The following GRB10 variants were observed in gnomAD, a reference collection of about 807,000 sequenced individuals.
GRB10 encodes growth factor receptor-bound protein 10.
GRB10 carries 20 observed loss-of-function variants against 80.9 expected under a neutral mutation model. The ratio of observed to expected loss-of-function variants is 0.25; its 90% CI spans 0.17 to 0.36. GRB10 has a LOEUF of 0.36. Among genes scored for constraint, GRB10 ranks in the 10% least tolerant of loss-of-function variants. The pLI is 1.00. For missense variants in GRB10, 548 were observed against 747.7 expected, an observed-to-expected ratio of 0.73 and a Z score of 3.12; for synonymous variants, 291 against 291.5, an observed-to-expected ratio of 1.00 and a Z score of 0.02.
At chr7:50,688,841 C>G (rs1420332059) in intron 5 of GRB10, among the ~76,000 whole-genome samples, 1 of 152,116 alleles carries the variant, frequency 6.6e-6, no homozygotes, top group Non-Finnish European at 1.5e-5. Flanking sequence ...AGAAACCGAA[C>G]TGTCGGCAAG....
chr7:50,693,811 G>C (rs188306361), intron 5 of GRB10, among the ~76,000 whole-genome samples: 53 of 152,218 alleles, frequency 3.5e-4, no homozygotes, highest in African/African-American at 1.3e-3. Flanking sequence ...ACAGAGGCTG[G>C]AAGAGCAGTC....
At chr7:50,736,541 C>T (rs999860459) in intron 3 of GRB10, among the ~76,000 whole-genome samples, 2 of 152,130 alleles carry the variant, frequency 1.3e-5, no homozygotes, top group Non-Finnish European at 2.9e-5. Context: ...GCCTGTAATC[C>T]CCATACTTTG....
At chr7:50,742,261 A>ATG (rs1563675129) in intron 3 of GRB10, among the ~76,000 whole-genome samples, 41 of 45,448 alleles carry the variant, frequency 9.0e-4, no homozygotes, top group Non-Finnish European at 3.9e-3. Flanking sequence ...ACACACGCGC[A>ATG]CGCGCGCGCG....
At chr7:50,669,108 G>A (rs1484119091) in intron 7 of GRB10, among the ~76,000 whole-genome samples, 1 of 152,216 alleles carries the variant, frequency 6.6e-6, no homozygotes. Context: ...AGCCAGTGGT[G>A]AAACTTTTTC....
chr7:50,677,441 AG>A (rs2061078718), intron 5 of GRB10, among the ~76,000 whole-genome samples: 1 of 152,136 alleles, frequency 6.6e-6, no homozygotes. Context: ...GGGAGAGGAG[AG>A]CCTCACTGCC....
At chr7:50,738,904 A>C (rs1202020550) in intron 3 of GRB10, among the ~76,000 whole-genome samples, 1 of 152,174 alleles carries the variant, frequency 6.6e-6, no homozygotes, top group African/African-American at 2.4e-5. Context: ...TGGTGGTTTC[A>C]CATTGTTCTT....
chr7:50,666,488 A>C (rs2059815951), intron 7 of GRB10, among the ~76,000 whole-genome samples: 1 of 152,058 alleles, frequency 6.6e-6, no homozygotes, highest in South Asian at 2.1e-4. Context: ...CAGGGCACTG[A>C]GCTTGTATCT....
chr7:50,616,049 A>T (rs576871336), intron 11 of GRB10, among the ~76,000 whole-genome samples, 161 bp downstream of exon 11: 1 of 152,250 alleles, frequency 6.6e-6, no homozygotes, highest in Non-Finnish European at 1.5e-5. Context: ...GAAACCTGTG[A>T]CTCCAAGTTC....
Position 50,769,495 on chromosome 7 carries a change from G to A in GRB10, c.-217+11132C>T, listed in dbSNP as rs80232679. Among the ~76,000 whole-genome samples, 100 of 152,304 alleles carry A rather than the reference G, an allele frequency of 6.6e-4. 1 individual carries two copies. In the East Asian group the frequency reaches 0.019, roughly 29 times the overall value. Reference sequence around the variant, plus strand: ...TTCACTTCCCCCATCCTTCCTGACAGAGGAAAATGGGTCCACGGTCATGAA... The same window carrying A: ...TTCACTTCCCCCATCCTTCCTGACAAAGGAAAATGGGTCCACGGTCATGAA... On this transcript the variant is annotated intron_variant, in intron 2 of 18. Transcript: ENST00000401949.
rs2299157 is a variant in GRB10, at chr7:50,697,831, C to A, written c.139+5990G>T. Among the ~76,000 whole-genome samples, 159 of 152,284 alleles carry A rather than the reference C, an allele frequency of 1.0e-3. 2 individuals are homozygous for A. The East Asian group carries it at 0.027, about 26-fold the overall frequency. Reference sequence around the variant, plus strand: ...TGTGGGCTGAACCACCCCCACCCCACCCCAGGGAGGGAAGGAGCCTTTGTA... The same window carrying A: ...TGTGGGCTGAACCACCCCCACCCCAACCCAGGGAGGGAAGGAGCCTTTGTA... On this transcript the variant is annotated intron_variant, in intron 5 of 18. Coordinates refer to ENST00000401949, the MANE Select transcript of GRB10 (RefSeq NM_001350814.2).
rs2153668273 is a variant in GRB10 at position 50,703,823 on chromosome 7, T to C, written c.137A>G (p.Gln46Arg). ...CTTGTGTTTTGCTCATTCCTTACCC[T>C]GGTGATTCGCAAGTCGGTCAGACTG... The part of the protein sequence containing the change: ...PAQSDRLANH[Q>R]EDDVDLEALV... The change falls in exon 5 of 19, where the codon CAG becomes CGG. Residue 46 changes from glutamine to arginine, a missense_variant and splice_region_variant. This residue lies in a region of GRB10 where 245 missense variants were observed against 229.3 expected (regional missense o/e 1.07). Transcript: ENST00000401949. 1 of 1,611,812 alleles carries C rather than the reference T, an allele frequency of 6.2e-7. No homozygotes were observed. The highest frequency in any genetic ancestry group is 2.2e-5 in the East Asian group (1 of 44,806).
At chr7:50,778,884 C>T (rs1413715453) in intron 2 of GRB10, among the ~76,000 whole-genome samples, 1 of 152,166 alleles carries the variant, frequency 6.6e-6, no homozygotes, top group Non-Finnish European at 1.5e-5. Context: ...TCCAAATCCG[C>T]TCAAGATTCA....
intron 4 of GRB10, among the ~76,000 whole-genome samples, chr7:50,704,430 A>G (rs2064744733): frequency 6.6e-6 from 1 of 152,224 alleles, no homozygotes; most frequent in Non-Finnish European, 1.5e-5. Flanking sequence ...TTATGATCCT[A>G]AGCCCATAAT....
intron 7 of GRB10, among the ~76,000 whole-genome samples, chr7:50,668,400 G>A (rs2060028228): frequency 6.6e-6 from 1 of 152,056 alleles, no homozygotes; most frequent in South Asian, 2.1e-4. Flanking sequence ...CAGAAGGAAA[G>A]TCAAAGTCCC....
intron 2 of GRB10, among the ~76,000 whole-genome samples, chr7:50,769,432 C>A (rs2076740203): frequency 6.6e-6 from 1 of 152,180 alleles, no homozygotes; most frequent in Non-Finnish European, 1.5e-5. Flanking sequence ...CCAAAACCAC[C>A]TGCTTAGCTT....
intron 3 of GRB10, among the ~76,000 whole-genome samples, chr7:50,736,360 G>T (rs930156857): frequency 6.6e-6 from 1 of 152,176 alleles, no homozygotes; most frequent in African/African-American, 2.4e-5. Context: ...AAACAGTCTG[G>T]TACTAACATA....
intron 15 of GRB10, 89 bp from the exon 16 acceptor site, chr7:50,604,466 G>T: frequency 9.0e-7 from 1 of 1,108,980 alleles, no homozygotes; most frequent in Non-Finnish European, 1.4e-6. Flanking sequence ...AGGCCACTGG[G>T]TGGGGTGCCT....
intron 3 of GRB10, among the ~76,000 whole-genome samples, chr7:50,736,574 C>G (rs1361811625): frequency 6.6e-6 from 1 of 152,154 alleles, no homozygotes; most frequent in Non-Finnish European, 1.5e-5. Context: ...AGGTGGATTG[C>G]TTGAGCCCAG....
intron 4 of GRB10, 57 bp downstream of exon 4, chr7:50,732,215 C>A: frequency 6.5e-7 from 1 of 1,536,760 alleles, no homozygotes; most frequent in Non-Finnish European, 9.0e-7. Context: ...GACATGTGTG[C>A]CCTGGCCCTC....
Sources: gnomAD v4.1 joint callset for allele counts (sites outside exome capture counted in the v4.1 genomes callset) on GRCh38, gnomAD v4.1.1 for gene constraint, gnomAD v4.1.1 regional missense constraint, MANE v1.5 for transcripts, NCBI Gene and HGNC (gene_info 2026-07-23, HGNC 2026-07-21) for gene names.